The following SCHIP1 variants were observed in gnomAD, a reference collection of about 807,000 sequenced individuals.
The protein encoded by SCHIP1 is schwannomin interacting protein 1, also known as schwannomin-interacting protein 1.
In SCHIP1, 8 loss-of-function variants were observed where a neutral mutation model predicts 29.7. The ratio of observed to expected loss-of-function variants is 0.27; its 90% CI spans 0.16 to 0.49. The LOEUF is 0.49. SCHIP1 is among the 20% of genes least tolerant of loss of function. The pLI is 0.99. For synonymous variants in SCHIP1, 76 were observed against 94.9 expected, an observed-to-expected ratio of 0.80 and a Z score of 1.16; for missense variants, 193 against 294.6, an observed-to-expected ratio of 0.66 and a Z score of 2.52.
chr3:159,800,263 A>C, the SCHIP1 span, among the ~76,000 whole-genome samples: 1 of 152,176 alleles, frequency 6.6e-6, no homozygotes, highest in Admixed American at 6.5e-5. Context: ...ACCCACCTTT[A>C]GAAGGAGAAG....
the SCHIP1 span, among the ~76,000 whole-genome samples, chr3:159,539,785 G>A: frequency 1.6e-5 from 2 of 122,728 alleles, 1 homozygote; most frequent in Non-Finnish European, 3.8e-5. Flanking sequence ...AAACAAACAT[G>A]CACACTATTA....
the SCHIP1 span, chr3:159,274,966 C>G: frequency 1.0e-5 from 10 of 982,652 alleles, no homozygotes; most frequent in Non-Finnish European, 1.2e-5. Context: ...TGGATTCTTT[C>G]TGTTATGGAT....
At chr3:159,500,495 C>T in the SCHIP1 span, among the ~76,000 whole-genome samples, 2 of 152,014 alleles carry the variant, frequency 1.3e-5, no homozygotes, top group African/African-American at 4.8e-5. Context: ...GGGCAGATCA[C>T]GAGGTCAGGA....
the SCHIP1 span, among the ~76,000 whole-genome samples, chr3:159,320,279 C>T: frequency 1.3e-5 from 2 of 152,118 alleles, no homozygotes; most frequent in Non-Finnish European, 2.9e-5. Context: ...ATTAAAGAGG[C>T]CCCAGAGAGC....
chr3:159,712,497 A>G, the SCHIP1 span, among the ~76,000 whole-genome samples: 1 of 151,432 alleles, frequency 6.6e-6, no homozygotes, highest in Non-Finnish European at 1.5e-5. Context: ...CAGGAGGATC[A>G]CTTGAGCCCA....
At chr3:159,600,065 G>T in the SCHIP1 span, among the ~76,000 whole-genome samples, 6 of 152,224 alleles carry the variant, frequency 3.9e-5, no homozygotes, top group Admixed American at 3.9e-4. Context: ...TAAGATTTCT[G>T]CTGAGAAATC....
At chr3:159,479,318 C>G in the SCHIP1 span, among the ~76,000 whole-genome samples, 3 of 151,858 alleles carry the variant, frequency 2.0e-5, no homozygotes, top group African/African-American at 7.3e-5. Flanking sequence ...CAAACATTCA[C>G]TAAAATAAAG....
the SCHIP1 span, among the ~76,000 whole-genome samples, chr3:159,823,477 T>G: frequency 1.3e-5 from 2 of 152,180 alleles, no homozygotes. Flanking sequence ...GAGTTAATCC[T>G]ATGGTAGAGC....
the SCHIP1 span, among the ~76,000 whole-genome samples, chr3:159,356,210 A>T: frequency 8.2e-6 from 1 of 122,146 alleles, no homozygotes; most frequent in African/African-American, 6.0e-5. Context: ...AAGTATAATA[A>T]AAAAAAAAAG....
the SCHIP1 span, among the ~76,000 whole-genome samples, chr3:159,534,880 C>G: frequency 6.6e-6 from 1 of 152,158 alleles, no homozygotes; most frequent in Non-Finnish European, 1.5e-5. Flanking sequence ...GTTTATGTAT[C>G]TATGAAGGCT....
At chr3:159,862,322 G>A (rs1363405607) in intron 1 of SCHIP1, among the ~76,000 whole-genome samples, 1 of 152,160 alleles carries the variant, frequency 6.6e-6, no homozygotes, top group African/African-American at 2.4e-5. Context: ...AGGAAGCATG[G>A]ACTTGGATCC....
the SCHIP1 span, among the ~76,000 whole-genome samples, chr3:159,422,793 G>T: frequency 6.6e-6 from 1 of 152,116 alleles, no homozygotes; most frequent in Admixed American, 6.6e-5. Context: ...TATTCTCATT[G>T]CTGTACAGTA....
chr3:159,520,096 TAAA>T, the SCHIP1 span, among the ~76,000 whole-genome samples: 10 of 82,896 alleles, frequency 1.2e-4, no homozygotes, highest in East Asian at 1.5e-3. Flanking sequence ...CCTCATCAAA[TAAA>T]AAAAAAAAAA....
chr3:159,492,916 T>C, the SCHIP1 span, among the ~76,000 whole-genome samples: 1 of 152,164 alleles, frequency 6.6e-6, no homozygotes, highest in Admixed American at 6.5e-5. Flanking sequence ...GCAGAAACTC[T>C]ACAAGCCAGA....
At chr3:159,495,662 C>T in the SCHIP1 span, among the ~76,000 whole-genome samples, 4 of 152,104 alleles carry the variant, frequency 2.6e-5, no homozygotes, top group African/African-American at 4.8e-5. Flanking sequence ...GAATCAATAT[C>T]GTGAAAATGG....
At chr3:159,659,024 T>A in the SCHIP1 span, among the ~76,000 whole-genome samples, 1 of 152,050 alleles carries the variant, frequency 6.6e-6, no homozygotes, top group African/African-American at 2.4e-5. Flanking sequence ...CCTCTCTCAC[T>A]TAATGAATAT....
the SCHIP1 span, among the ~76,000 whole-genome samples, chr3:159,297,126 TTGTGTGTGTGTGTGTGTGTGTG>T: frequency 3.5e-5 from 5 of 143,262 alleles, no homozygotes; most frequent in Non-Finnish European, 7.6e-5. Flanking sequence ...TAATATTCCA[TTGTGTGTGTGTGTGTGTGTGTG>T]TGTGTGTGTG....
At chr3:159,550,889 C>T in the SCHIP1 span, among the ~76,000 whole-genome samples, 1 of 152,114 alleles carries the variant, frequency 6.6e-6, no homozygotes, top group Non-Finnish European at 1.5e-5. Context: ...GTCAGCCTCA[C>T]TATGTAATAT....
the SCHIP1 span, among the ~76,000 whole-genome samples, chr3:159,353,543 G>A: frequency 1.3e-5 from 2 of 152,134 alleles, no homozygotes; most frequent in East Asian, 1.9e-4. Flanking sequence ...CAACCTGCTC[G>A]TTCTTGAGGA....
Sources: allele counts gnomAD v4.1 joint callset (sites outside exome capture counted in the v4.1 genomes callset), GRCh38; gene constraint gnomAD v4.1.1; transcripts MANE v1.5; gene names NCBI Gene and HGNC (gene_info 2026-07-23, HGNC 2026-07-21).